The following CCSER1 variants were observed in gnomAD, a reference collection of about 807,000 sequenced individuals.
The protein encoded by CCSER1 is coiled-coil serine rich protein 1.
CCSER1 carries 41 observed loss-of-function variants against 82.0 expected under a neutral mutation model. That is an observed-to-expected ratio of 0.50 (90% CI 0.39 to 0.65). The LOEUF is 0.65. Among genes scored for constraint, CCSER1 ranks in the 30% least tolerant of loss-of-function variants. The pLI, the probability that CCSER1 is intolerant of heterozygous loss-of-function variation, is 0.00. For missense variants in CCSER1, 1,119 were observed against 1,064.2 expected (o/e 1.05, Z -0.72); for synonymous variants, 414 against 383.9 (o/e 1.08, Z -0.92).
intron 9 of CCSER1, among the ~76,000 whole-genome samples, chr4:91,014,944 T>TGCA: frequency 2.4e-5 from 2 of 82,636 alleles, no homozygotes; most frequent in Middle Eastern, 6.7e-3. Flanking sequence ...CATAGTTTAT[T>TGCA]ACAGTGGAAA....
At chr4:90,747,896 T>C (rs562319406) in intron 7 of CCSER1, among the ~76,000 whole-genome samples, 4 of 150,738 alleles carry the variant, frequency 2.7e-5, no homozygotes, top group Non-Finnish European at 4.4e-5. Context: ...AGTGAGAATA[T>C]GCCATGTTTG....
At chr4:91,566,081 T>G (rs1762873505) in intron 10 of CCSER1, among the ~76,000 whole-genome samples, 1 of 152,162 alleles carries the variant, frequency 6.6e-6, no homozygotes, top group Non-Finnish European at 1.5e-5. Flanking sequence ...CCTAGTTTAC[T>G]GAGAGTTTTT....
chr4:90,555,525 A>T (rs1778026542), intron 5 of CCSER1, among the ~76,000 whole-genome samples: 1 of 152,084 alleles, frequency 6.6e-6, no homozygotes, highest in South Asian at 2.1e-4. Context: ...CTTGTTTGAT[A>T]TGAGATTGTG....
intron 8 of CCSER1, among the ~76,000 whole-genome samples, chr4:90,896,513 G>A (rs370865990): frequency 5.3e-5 from 8 of 151,852 alleles, no homozygotes; most frequent in East Asian, 1.9e-4. Flanking sequence ...ATTAATGGTC[G>A]TGAAGGGAAA....
At chr4:91,167,468 G>T (rs1732216696) in intron 10 of CCSER1, among the ~76,000 whole-genome samples, 1 of 152,124 alleles carries the variant, frequency 6.6e-6, no homozygotes, top group African/African-American at 2.4e-5. Flanking sequence ...ACAGGCATGA[G>T]CCACTGCACC....
At chr4:90,317,424 C>T (rs897636390) in intron 3 of CCSER1, among the ~76,000 whole-genome samples, 3 of 151,978 alleles carry the variant, frequency 2.0e-5, no homozygotes, top group African/African-American at 7.3e-5. Context: ...CCAGCGTGGC[C>T]AAGATGGTGA....
chr4:90,694,793 G>GT (rs1736685347), intron 6 of CCSER1, among the ~76,000 whole-genome samples: 1 of 116,926 alleles, frequency 8.6e-6, no homozygotes. Context: ...CGATGTGTGT[G>GT]TGGGGTGTGT....
chr4:90,399,959 C>A, intron 3 of CCSER1, 77 bp from the exon 4 acceptor site: 1 of 707,140 alleles, frequency 1.4e-6, no homozygotes, highest in Non-Finnish European at 2.4e-6. Context: ...ATTTTTGCTT[C>A]ACGGCTTCCA....
chr4:91,145,686 A>G (rs945059093), intron 10 of CCSER1, among the ~76,000 whole-genome samples: 3 of 152,006 alleles, frequency 2.0e-5, no homozygotes, highest in Admixed American at 1.3e-4. Flanking sequence ...CCTGACAAAT[A>G]TTTTATTTCT....
At chr4:91,007,655 A>C (rs546507213) in intron 9 of CCSER1, among the ~76,000 whole-genome samples, 1 of 137,954 alleles carries the variant, frequency 7.2e-6, no homozygotes, top group East Asian at 2.1e-4. Context: ...CTGGCTAAAC[A>C]TTTGTCAATT....
intron 10 of CCSER1, among the ~76,000 whole-genome samples, chr4:91,141,634 G>A (rs893183638): frequency 3.9e-5 from 6 of 151,922 alleles, no homozygotes; most frequent in Non-Finnish European, 8.8e-5. Context: ...TTTTCCTTTG[G>A]GTAAATACTG....
At chr4:91,407,557 G>GA (rs1333040173) in intron 10 of CCSER1, among the ~76,000 whole-genome samples, 1 of 152,160 alleles carries the variant, frequency 6.6e-6, no homozygotes, top group Admixed American at 6.6e-5. Context: ...AATTTATAAA[G>GA]AAAAGAGGTT....
At chr4:91,174,046 C>T (rs1475109903) in intron 10 of CCSER1, among the ~76,000 whole-genome samples, 1 of 152,070 alleles carries the variant, frequency 6.6e-6, no homozygotes, top group Non-Finnish European at 1.5e-5. Flanking sequence ...ACAAAACTAC[C>T]TTTAATGACA....
intron 8 of CCSER1, among the ~76,000 whole-genome samples, chr4:90,844,344 A>T (rs1192391280): frequency 6.6e-6 from 1 of 152,082 alleles, no homozygotes. Flanking sequence ...TAAGGCATTG[A>T]TTCACATTTT....
At chr4:90,796,401 A>T (rs1580511138) in intron 7 of CCSER1, among the ~76,000 whole-genome samples, 3 of 129,484 alleles carry the variant, frequency 2.3e-5, no homozygotes, top group Admixed American at 7.9e-5. Context: ...CTAGTGGTAT[A>T]TCTATTGTAC....
At chr4:91,336,278 G>C (rs1747321254) in intron 10 of CCSER1, among the ~76,000 whole-genome samples, 2 of 151,970 alleles carry the variant, frequency 1.3e-5, no homozygotes, top group Admixed American at 6.6e-5. Context: ...CTTTGATTCA[G>C]AGTATATTTG....
At chr4:90,607,096 G>C (rs1240132464) in intron 5 of CCSER1, among the ~76,000 whole-genome samples, 1 of 152,076 alleles carries the variant, frequency 6.6e-6, no homozygotes, top group South Asian at 2.1e-4. Flanking sequence ...TTTACATATG[G>C]TTTTAGTTAT....
intron 10 of CCSER1, among the ~76,000 whole-genome samples, chr4:91,366,231 G>A (rs1749604365): frequency 6.6e-6 from 1 of 152,182 alleles, no homozygotes; most frequent in African/African-American, 2.4e-5. Flanking sequence ...ATGTTAGCCA[G>A]GCTGGTCTCG....
At chr4:90,973,854 G>A (rs1472208589) in intron 9 of CCSER1, among the ~76,000 whole-genome samples, 2 of 151,198 alleles carry the variant, frequency 1.3e-5, no homozygotes, top group African/African-American at 2.4e-5. Flanking sequence ...CACTCCAGTG[G>A]CATATCATTC....
Sources: allele counts gnomAD v4.1 joint callset (sites outside exome capture counted in the v4.1 genomes callset), GRCh38; gene constraint gnomAD v4.1.1; transcripts MANE v1.5; gene names NCBI Gene and HGNC (gene_info 2026-07-23, HGNC 2026-07-21).